CTNNA3: variants seen among roughly 807,000 people sequenced by gnomAD.
CTNNA3 encodes catenin alpha-3.
Under a neutral mutation model 95.7 loss-of-function variants are expected in CTNNA3, and 76 were observed. That is an observed-to-expected ratio of 0.79 (90% CI 0.66 to 0.96). The LOEUF (loss-of-function observed/expected upper bound fraction) is 0.96, where lower values mean the gene tolerates loss of function less well. Among genes scored for constraint, CTNNA3 ranks in the 40% least tolerant of loss-of-function variants. CTNNA3 has a pLI of 0.00. For missense variants in CTNNA3, 1,191 were observed against 1,089.8 expected (o/e 1.09, Z -1.31); for synonymous variants, 431 against 374.4 (o/e 1.15, Z -1.74).
intron 7 of CTNNA3, among the ~76,000 whole-genome samples, chr10:66,815,645 A>G (rs1842048028): frequency 6.6e-6 from 1 of 152,202 alleles, no homozygotes; most frequent in Non-Finnish European, 1.5e-5. Context: ...GGTGGTAAAT[A>G]AGTTAGGGCA....
In CTNNA3 at chr10:66,054,805, C is replaced by T. The variant is rs150930181; in HGVS notation, c.2159+14503G>A. Among the ~76,000 whole-genome samples the T allele has an allele frequency of 6.1e-3, 932 of 152,254 alleles. 4 individuals carry two copies. Among genetic ancestry groups the T allele is most frequent in the Non-Finnish European group, 0.011 (728 of 67,996 alleles). On this transcript the variant is annotated intron_variant, in intron 15 of 17. Transcript: ENST00000433211. ...CTTACTCAAGAAATCTTTACTCAGA[C>T]CAATGTCCTGAAGTTTTTCCCCAAT...
intron 1 of CTNNA3, among the ~76,000 whole-genome samples, chr10:67,681,967 C>A (rs995856189): frequency 2.6e-5 from 4 of 151,496 alleles, no homozygotes; most frequent in African/African-American, 9.7e-5. Flanking sequence ...ACCATGCTGG[C>A]TAACACAGTA....
intron 7 of CTNNA3, among the ~76,000 whole-genome samples, chr10:66,901,722 G>A (rs1845756351): frequency 6.6e-6 from 1 of 152,118 alleles, no homozygotes; most frequent in African/African-American, 2.4e-5. Context: ...AGCAGGGGTT[G>A]CAATCCTAGT....
chr10:67,618,341 A>G (rs1169682337), intron 2 of CTNNA3, among the ~76,000 whole-genome samples: 2 of 152,220 alleles, frequency 1.3e-5, no homozygotes, highest in Non-Finnish European at 2.9e-5. Flanking sequence ...TCCAGCAGTG[A>G]CTGATGGTAG....
intron 5 of CTNNA3, among the ~76,000 whole-genome samples, chr10:67,241,894 T>C (rs1459765839): frequency 6.6e-6 from 1 of 152,190 alleles, no homozygotes; most frequent in African/African-American, 2.4e-5. Context: ...ATGCTTCCTA[T>C]ATTCAAGTAC....
Position 67,231,100 on chromosome 10 carries a change from G to C in CTNNA3, c.580-11230C>G, listed in dbSNP as rs550710389. 9.5e-3 allele frequency among the ~76,000 whole-genome samples: 1,442 copies of C among 152,302 alleles called. 32 individuals are homozygous for C. The highest frequency in any genetic ancestry group is 0.033 in the African/African-American group (1,370 of 41,576). ...CAAGGCGGCAGCGAGGCTGGGGGAG[G>C]GGCGCCCGCCATTGCCCAGGCCTGC... On this transcript the variant is annotated intron_variant, in intron 5 of 17. Coordinates refer to ENST00000433211, the MANE Select transcript of CTNNA3 (RefSeq NM_013266.4).
chr10:67,603,256 G>A (rs1258810400), intron 3 of CTNNA3, among the ~76,000 whole-genome samples: 2 of 152,192 alleles, frequency 1.3e-5, no homozygotes, highest in East Asian at 1.9e-4. Flanking sequence ...TCCAAGTGAC[G>A]GGAATAAGGT....
intron 9 of CTNNA3, among the ~76,000 whole-genome samples, chr10:66,712,525 T>C (rs1848327121): frequency 6.6e-6 from 1 of 152,084 alleles, no homozygotes; most frequent in Non-Finnish European, 1.5e-5. Flanking sequence ...TTTCTGAATA[T>C]AAAATATGGA....
At chr10:66,717,917 A>G (rs1247623190) in intron 9 of CTNNA3, among the ~76,000 whole-genome samples, 4 of 152,196 alleles carry the variant, frequency 2.6e-5, no homozygotes, top group African/African-American at 4.8e-5. Context: ...TGTGGTTGTG[A>G]GTAATAAATG....
chr10:65,923,878 C>T (rs1197502374), intron 17 of CTNNA3, among the ~76,000 whole-genome samples: 4 of 152,024 alleles, frequency 2.6e-5, no homozygotes, highest in African/African-American at 7.2e-5. Context: ...TAATCTTGTC[C>T]TGTCAAAAAG....
At chr10:66,007,645 C>A (rs2078914593) in intron 15 of CTNNA3, among the ~76,000 whole-genome samples, 2 of 147,882 alleles carry the variant, frequency 1.4e-5, no homozygotes, top group South Asian at 4.4e-4. Context: ...TTAGGTAGCT[C>A]CATCTGGAGG....
At chr10:66,130,635 G>T (rs979475849) in intron 13 of CTNNA3, among the ~76,000 whole-genome samples, 1 of 151,826 alleles carries the variant, frequency 6.6e-6, no homozygotes, top group Non-Finnish European at 1.5e-5. Context: ...GTGAGGTCTC[G>T]AGTTCGAGAC....
intron 5 of CTNNA3, among the ~76,000 whole-genome samples, chr10:67,258,311 T>A (rs1589097123): frequency 6.6e-6 from 1 of 152,034 alleles, no homozygotes; most frequent in Admixed American, 6.5e-5. Flanking sequence ...ACCTGGCTAA[T>A]TTTTGTAATT....
chr10:67,325,369 T>C (rs1379587620), intron 5 of CTNNA3, among the ~76,000 whole-genome samples: 3 of 152,178 alleles, frequency 2.0e-5, no homozygotes, highest in Non-Finnish European at 4.4e-5. Flanking sequence ...TGTGGGCATT[T>C]AGTGCTATAA....
At chr10:67,165,082 T>C (rs1861704753) in intron 7 of CTNNA3, among the ~76,000 whole-genome samples, 1 of 152,156 alleles carries the variant, frequency 6.6e-6, no homozygotes, top group South Asian at 2.1e-4. Context: ...GCATTATTTG[T>C]AATAGCCCCA....
In CTNNA3 at chr10:66,994,065, A is replaced by AT. The variant is rs538161421; in HGVS notation, c.1047+186251dup. On this transcript the variant is annotated intron_variant, in intron 7 of 17. Coordinates refer to ENST00000433211, the MANE Select transcript of CTNNA3 (RefSeq NM_013266.4). ...AATTTTCCATTTGTAAATATTAATC[A>AT]TGCCAGGTCAAACTATCTTAACCAA... 8.8e-4 allele frequency among the ~76,000 whole-genome samples: 134 copies of AT among 152,354 alleles called. No homozygotes were observed. In the South Asian group the frequency reaches 0.027, roughly 31 times the overall value.
Position 66,261,595 on chromosome 10 carries a change from A to G in CTNNA3, c.1884+18875T>C, listed in dbSNP as rs561172264. On this transcript the variant is annotated intron_variant, in intron 13 of 17. Coordinates refer to ENST00000433211, the MANE Select transcript of CTNNA3 (RefSeq NM_013266.4). The stretch of plus-strand genomic sequence containing the variant: ...AAGAATTCTGGACAGAAATATGGCT[A>G]TAAGTAAGTATTAATCAGGCTGCAC... Among the ~76,000 whole-genome samples, 277 of 152,204 alleles carry G rather than the reference A, an allele frequency of 1.8e-3. 2 individuals carry two copies. The highest frequency in any genetic ancestry group is 6.5e-3 in the African/African-American group (271 of 41,554).
chr10:66,216,191 T>C (rs1396000125), intron 13 of CTNNA3, among the ~76,000 whole-genome samples: 3 of 152,268 alleles, frequency 2.0e-5, no homozygotes, highest in Non-Finnish European at 4.4e-5. Flanking sequence ...CAAATTTACA[T>C]AGCATTCTTG....
chr10:67,225,715 T>A (rs1205540293), intron 5 of CTNNA3, among the ~76,000 whole-genome samples: 1 of 151,800 alleles, frequency 6.6e-6, no homozygotes, highest in African/African-American at 2.4e-5. Context: ...GACAAAAGAA[T>A]CTGAAAAACA....
Sources: gnomAD v4.1 joint callset for allele counts (sites outside exome capture counted in the v4.1 genomes callset) on GRCh38, gnomAD v4.1.1 for gene constraint, MANE v1.5 for transcripts, NCBI Gene and HGNC (gene_info 2026-07-23, HGNC 2026-07-21) for gene names.